Variants in COL19A1 observed in about 807,000 individuals in gnomAD.
COL19A1 encodes the protein collagen type XIX alpha 1 chain.
COL19A1 carries 159 observed loss-of-function variants against 190.2 expected under a neutral mutation model. That is an observed-to-expected ratio of 0.84 (90% CI 0.73 to 0.95). The LOEUF (loss-of-function observed/expected upper bound fraction) is 0.95, where lower values mean the gene tolerates loss of function less well. COL19A1 is among the 40% of genes least tolerant of loss of function. The pLI is 0.00. For missense variants in COL19A1, 1,418 were observed against 1,431.9 expected, an observed-to-expected ratio of 0.99 and a Z score of 0.16; for synonymous variants, 509 against 458.9, an observed-to-expected ratio of 1.11 and a Z score of -1.39.
intron 11 of COL19A1, among the ~76,000 whole-genome samples, chr6:70,001,877 C>T (rs1439511628): frequency 6.6e-6 from 1 of 152,096 alleles, no homozygotes; most frequent in Non-Finnish European, 1.5e-5. Context: ...TGCCTGATTG[C>T]CCTGGCCAAA....
intron 11 of COL19A1, among the ~76,000 whole-genome samples, chr6:70,001,985 T>A (rs1030988762): frequency 6.6e-6 from 1 of 152,232 alleles, no homozygotes; most frequent in African/African-American, 2.4e-5. Context: ...CCATTCATTA[T>A]GATATTGGAT....
rs151153446 is a variant in COL19A1, at chr6:69,929,516, G to T, written c.482G>T (p.Arg161Leu). 3.1e-6 allele frequency: 5 copies of T among 1,613,962 alleles called. No homozygotes were observed. The highest frequency in any genetic ancestry group is 4.2e-6 in the Non-Finnish European group (5 of 1,179,952). The change falls in exon 6 of 51, where the codon CGA (arginine) becomes CTA (leucine). Residue 161 changes from arginine (R) to leucine (L), a missense_variant. Transcript: ENST00000620364. The stretch of plus-strand genomic sequence containing the variant: ...GTGTTGAACTACATTTTTAGAAATC[G>T]AGAACTCCGTCCTTTGTTTGATCGT... ...GDVLNYIFRN[R>L]ELRPLFDRQW...
chr6:70,037,568 T>A (rs915591926), intron 14 of COL19A1, among the ~76,000 whole-genome samples: 2 of 152,246 alleles, frequency 1.3e-5, no homozygotes, highest in African/African-American at 4.8e-5. Context: ...CATGCAGTCA[T>A]TTAGTTAAAC....
intron 9 of COL19A1, among the ~76,000 whole-genome samples, chr6:69,952,351 C>T (rs1774174132): frequency 6.6e-6 from 1 of 151,830 alleles, no homozygotes; most frequent in Non-Finnish European, 1.5e-5. Context: ...GCAGCTCAAT[C>T]ATGGGCACTC....
intron 15 of COL19A1, among the ~76,000 whole-genome samples, chr6:70,093,809 T>C (rs908712161): frequency 1.3e-5 from 2 of 152,210 alleles, no homozygotes; most frequent in Admixed American, 1.3e-4. Context: ...TAGATAATGA[T>C]GTCACAACTT....
chr6:69,961,074 T>A (rs888417242), intron 10 of COL19A1, among the ~76,000 whole-genome samples: 1 of 151,998 alleles, frequency 6.6e-6, no homozygotes, highest in Admixed American at 6.6e-5. Flanking sequence ...ATCCAGATAA[T>A]CCCGCCGCAG....
At chr6:69,874,130 C>A (rs998725396) in intron 1 of COL19A1, among the ~76,000 whole-genome samples, 1 of 151,978 alleles carries the variant, frequency 6.6e-6, no homozygotes, top group East Asian at 1.9e-4. Flanking sequence ...TTGAGAAATC[C>A]AGGGAAGGTA....
At chr6:69,871,902 C>T (rs1043990950) in intron 1 of COL19A1, among the ~76,000 whole-genome samples, 2 of 151,432 alleles carry the variant, frequency 1.3e-5, no homozygotes, top group South Asian at 4.2e-4. Flanking sequence ...CTGCAACCTC[C>T]GCCTCCCAGG....
chr6:70,186,963 C>T (rs145893561), intron 46 of COL19A1, among the ~76,000 whole-genome samples: 1,710 of 152,226 alleles, frequency 0.011, 13 homozygotes, highest in Non-Finnish European at 0.015. Context: ...CCGCAACCTC[C>T]GCCTCCCGGG....
chr6:70,080,148 TAGAA>T (rs1335222079), intron 15 of COL19A1, among the ~76,000 whole-genome samples: 1 of 152,224 alleles, frequency 6.6e-6, no homozygotes, highest in Non-Finnish European at 1.5e-5. Context: ...TCTTCTCATA[TAGAA>T]AGAATTTTTT....
chr6:69,924,434 G>A (rs1046854157), intron 4 of COL19A1, among the ~76,000 whole-genome samples: 28 of 152,016 alleles, frequency 1.8e-4, no homozygotes, highest in Non-Finnish European at 2.5e-4. Flanking sequence ...ACATGAACTC[G>A]TCATTTTTTA....
At chr6:70,128,027 A>T (rs1242267725) in intron 17 of COL19A1, among the ~76,000 whole-genome samples, 1 of 152,202 alleles carries the variant, frequency 6.6e-6, no homozygotes, top group Admixed American at 6.5e-5. Flanking sequence ...GAAAAAACTG[A>T]TTCTTTTTCT....
At chr6:69,965,430 TAAAA>T (rs951245716) in intron 11 of COL19A1, among the ~76,000 whole-genome samples, 1 of 152,024 alleles carries the variant, frequency 6.6e-6, no homozygotes, top group Admixed American at 6.6e-5. Context: ...CCATTATGGC[TAAAA>T]AAAACTAGCT....
intron 11 of COL19A1, among the ~76,000 whole-genome samples, chr6:69,975,189 GA>G (rs1464632070): frequency 6.6e-6 from 1 of 152,088 alleles, no homozygotes; most frequent in East Asian, 1.9e-4. Flanking sequence ...TCTCAGTTTT[GA>G]GCAAGTGTTT....
chr6:69,887,918 T>G (rs1217181474), intron 2 of COL19A1, among the ~76,000 whole-genome samples: 1 of 152,140 alleles, frequency 6.6e-6, no homozygotes, highest in Non-Finnish European at 1.5e-5. Flanking sequence ...CAAGGCTCCA[T>G]CTCAGTGGGC....
At chr6:69,889,719 G>A (rs1283150840) in intron 2 of COL19A1, among the ~76,000 whole-genome samples, 2 of 152,060 alleles carry the variant, frequency 1.3e-5, no homozygotes, top group African/African-American at 4.8e-5. Context: ...ACCAATCAGC[G>A]CTCTGTGTCT....
chr6:70,188,039 A>G (rs1449485754), intron 46 of COL19A1, 36 bp from the exon 47 acceptor site: 2 of 1,608,620 alleles, frequency 1.2e-6, no homozygotes. Context: ...TGATGCTAGA[A>G]GAGATTATTC....
intron 16 of COL19A1, among the ~76,000 whole-genome samples, chr6:70,103,452 A>T (rs1783759226): frequency 6.6e-6 from 1 of 152,166 alleles, no homozygotes; most frequent in Non-Finnish European, 1.5e-5. Context: ...AAACTATTTG[A>T]TTTTAAATTC....
intron 36 of COL19A1, 100 bp from the exon 37 acceptor site, chr6:70,165,841 T>C (rs1223328153): frequency 3.7e-6 from 4 of 1,085,342 alleles, no homozygotes; most frequent in Non-Finnish European, 4.3e-6. Context: ...GCAAGTCATA[T>C]CGATTTCAGA....
Sources: gnomAD v4.1 joint callset for allele counts (sites outside exome capture counted in the v4.1 genomes callset) on GRCh38, gnomAD v4.1.1 for gene constraint, MANE v1.5 for transcripts, NCBI Gene and HGNC (gene_info 2026-07-23, HGNC 2026-07-21) for gene names.